MAPK10: variants seen among roughly 807,000 people sequenced by gnomAD.
MAPK10 encodes the protein JNK3 alpha protein kinase.
MAPK10 carries 25 observed loss-of-function variants against 59.3 expected under a neutral mutation model. The observed-to-expected ratio is 0.42, with a 90% CI of 0.31 to 0.59. MAPK10 has a LOEUF of 0.59. Ranked by LOEUF, MAPK10 falls within the 20% of genes least tolerant of loss-of-function variation. The probability of loss-of-function intolerance (pLI) is 0.15; values close to 1 mark genes in which losing one functional copy is unlikely to be tolerated. For synonymous variants in MAPK10, 190 were observed against 200.5 expected (o/e 0.95, Z 0.44); for missense variants, 351 against 568.9 (o/e 0.62, Z 3.90).
intron 1 of MAPK10, among the ~76,000 whole-genome samples, chr4:86,484,874 T>A (rs964040400): frequency 2.0e-5 from 3 of 152,164 alleles, no homozygotes; most frequent in Admixed American, 2.0e-4. Context: ...CGGTCTCTTG[T>A]GTACTACAGA....
At chr4:86,577,372 A>C (rs2149110738) in intron 1 of MAPK10, among the ~76,000 whole-genome samples, 1 of 152,268 alleles carries the variant, frequency 6.6e-6, no homozygotes, top group Middle Eastern at 3.4e-3. Flanking sequence ...AGCAAACTAG[A>C]AGGAAAAGGA....
chr4:86,397,680 C>CT (rs1161933451), intron 1 of MAPK10, among the ~76,000 whole-genome samples: 1 of 151,934 alleles, frequency 6.6e-6, no homozygotes, highest in Non-Finnish European at 1.5e-5. Flanking sequence ...TACCCTTGTT[C>CT]TTGCACCTAT....
intron 2 of MAPK10, among the ~76,000 whole-genome samples, chr4:86,268,925 C>T (rs151081946): frequency 1.8e-4 from 28 of 152,216 alleles, no homozygotes; most frequent in African/African-American, 4.3e-4. Flanking sequence ...TCTTGAGAAA[C>T]GTGACTACTT....
intron 1 of MAPK10, among the ~76,000 whole-genome samples, chr4:86,545,978 C>A (rs575460821): frequency 9.2e-5 from 14 of 152,244 alleles, no homozygotes; most frequent in Non-Finnish European, 2.1e-4. Flanking sequence ...GGGCCAGGTG[C>A]GGTGGCTCAC....
chr4:86,309,194 T>G lies in MAPK10; in HGVS notation c.-7+45336A>C, dbSNP rs146234240. Among the ~76,000 whole-genome samples, 112 of 152,302 alleles carry G rather than the reference T, an allele frequency of 7.4e-4. 4 individuals are homozygous for G. In the East Asian group the frequency reaches 0.021, roughly 29 times the overall value. The stretch of plus-strand genomic sequence containing the variant: ...TTATTTGGTAACTTGCCTCCTTATT[T>G]AAAAGTTCTACTGCATAATATATAA... On this transcript the variant is annotated intron_variant, in intron 2 of 13. Coordinates refer to ENST00000641462, the MANE Select transcript of MAPK10 (RefSeq NM_138982.4).
intron 2 of MAPK10, among the ~76,000 whole-genome samples, chr4:86,261,171 C>T (rs2093966669): frequency 6.6e-6 from 1 of 152,148 alleles, no homozygotes; most frequent in Admixed American, 6.5e-5. Flanking sequence ...CCAAGGCCTA[C>T]CTTAATACAG....
At chr4:86,581,566 G>A (rs1762264821) in intron 1 of MAPK10, among the ~76,000 whole-genome samples, 1 of 151,642 alleles carries the variant, frequency 6.6e-6, no homozygotes. Flanking sequence ...AAATGCAATC[G>A]ATGATATTTC....
chr4:86,183,753 T>C (rs1455250206), intron 3 of MAPK10, among the ~76,000 whole-genome samples: 2 of 152,134 alleles, frequency 1.3e-5, no homozygotes, highest in African/African-American at 4.8e-5. Context: ...TACAATCCCA[T>C]CAACAGTGTA....
intron 9 of MAPK10, among the ~76,000 whole-genome samples, chr4:86,083,268 C>T (rs2051047963): frequency 6.6e-6 from 1 of 152,068 alleles, no homozygotes. Context: ...CTCACAGTAT[C>T]TGGTTTTAAT....
Position 86,435,494 on chromosome 4 carries a change from T to A in MAPK10, c.-122+17536A>T, listed in dbSNP as rs146139901. Among the ~76,000 whole-genome samples, 503 of 151,468 alleles carry A rather than the reference T, an allele frequency of 3.3e-3. 2 individuals carry two copies. The highest frequency in any genetic ancestry group is 0.012 in the African/African-American group (481 of 41,318). On this transcript the variant is annotated intron_variant, in intron 1 of 13. Transcript: ENST00000361569. The stretch of plus-strand genomic sequence containing the variant: ...CCTGGGCAACAAGAGCAAAACGCCA[T>A]CTCACAAAAAAAAAGGCAAAGATGG...
At chr4:86,121,898 G>A (rs1050215815) in intron 4 of MAPK10, among the ~76,000 whole-genome samples, 2 of 152,046 alleles carry the variant, frequency 1.3e-5, no homozygotes, top group Non-Finnish European at 2.9e-5. Context: ...TCCAGCCACT[G>A]GTAACCACCA....
chr4:86,314,261 GT>G (rs1434438305), intron 2 of MAPK10, among the ~76,000 whole-genome samples: 1 of 152,062 alleles, frequency 6.6e-6, no homozygotes, highest in Non-Finnish European at 1.5e-5. Flanking sequence ...GGATACATAG[GT>G]TATATGGTTT....
intron 6 of MAPK10, 193 bp from the exon 7 acceptor site, chr4:86,102,225 G>C (rs2055560129): frequency 1.7e-5 from 8 of 465,542 alleles, no homozygotes; most frequent in Non-Finnish European, 3.0e-5. Flanking sequence ...GTTGCTAGTA[G>C]AAAAAGCATT....
chr4:86,251,625 G>A (rs1254226903), intron 2 of MAPK10, among the ~76,000 whole-genome samples: 45 of 133,450 alleles, frequency 3.4e-4, no homozygotes, highest in Middle Eastern at 7.2e-3. Context: ...GAATAATGCC[G>A]CAATAAACAT....
intron 4 of MAPK10, chr4:86,123,587 TGA>T (rs896856345): frequency 3.0e-4 from 46 of 152,212 alleles, no homozygotes; most frequent in African/African-American, 1.1e-3. Context: ...AGTGTCAGCA[TGA>T]GAGGGCACTA....
At chr4:86,036,600 A>T (rs2040359486) in intron 11 of MAPK10, among the ~76,000 whole-genome samples, 1 of 152,212 alleles carries the variant, frequency 6.6e-6, no homozygotes, top group Non-Finnish European at 1.5e-5. Flanking sequence ...CTAATTAATG[A>T]TGAAACTTTT....
intron 12 of MAPK10, among the ~76,000 whole-genome samples, chr4:86,030,034 T>C (rs2038631782): frequency 6.6e-6 from 1 of 152,192 alleles, no homozygotes; most frequent in Admixed American, 6.5e-5. Context: ...TTATAATCTG[T>C]ATAATCATCA....
At chr4:86,527,164 G>T (rs1049277897) in intron 1 of MAPK10, among the ~76,000 whole-genome samples, 7 of 151,712 alleles carry the variant, frequency 4.6e-5, no homozygotes, top group Admixed American at 4.6e-4. Context: ...AAAAATAAAA[G>T]TTAGCCAGGC....
At chr4:86,086,360 AAAT>A (rs751554255) in intron 9 of MAPK10, among the ~76,000 whole-genome samples, 2 of 152,172 alleles carry the variant, frequency 1.3e-5, no homozygotes, top group African/African-American at 4.8e-5. Flanking sequence ...TGACTACAGT[AAAT>A]AATAATTTAA....
Sources: allele counts gnomAD v4.1 joint callset (sites outside exome capture counted in the v4.1 genomes callset), GRCh38; gene constraint gnomAD v4.1.1; transcripts MANE v1.5; gene names NCBI Gene and HGNC (gene_info 2026-07-23, HGNC 2026-07-21).